Variants in APOB observed in about 807,000 individuals in gnomAD.
APOB encodes apolipoprotein B-100.
In APOB, 153 loss-of-function variants were observed where a neutral mutation model predicts 314.1. The ratio of observed to expected loss-of-function variants is 0.49; its 90% confidence interval spans 0.43 to 0.56. The LOEUF is 0.56. APOB is among the 20% of genes least tolerant of loss of function. The pLI is 0.00. For missense variants in APOB, 5,430 were observed against 5,350.7 expected (o/e 1.01, Z -0.46); for synonymous variants, 2,087 against 2,036.4 (o/e 1.02, Z -0.67).
At chr2:21,024,474 C>T in intron 16 of APOB, 1 of 222,112 alleles carries the variant, frequency 4.5e-6, no homozygotes. Context: ...CACAAATTAG[C>T]CGGGCATGCT....
intron 14 of APOB, among the ~76,000 whole-genome samples, chr2:21,027,271 G>C (rs1298646597): frequency 6.6e-6 from 1 of 151,236 alleles, no homozygotes; most frequent in East Asian, 1.9e-4. Context: ...TGCTTCCTTG[G>C]CTTTGGGACT....
At position 21,003,211 on chromosome 2, in the gene APOB, T is replaced by C. The variant is rs1558559443; in HGVS notation, c.12211A>G (p.Lys4071Glu). Residue 4071 changes from lysine (K) to glutamate (E), a missense_variant, in exon 29 of 29, where the codon AAA (lysine) becomes GAA (glutamate). By Grantham distance (56) the Lys-to-Glu change is moderately conservative (BLOSUM62 1). Around this residue, in one of 3 missense-constraint regions of APOB, gnomAD observed 3,281 missense variants for 3,171.0 expected, o/e 1.03. Transcript: ENST00000233242. ...EAASGLLTSL[K>E]DNVPKATGVL... ...CCTGTGGCCTTGGGCACGTTGTCTT[T>C]CAGAGAGGTTAGCAAGCCAGAAGCT... The C allele has an allele frequency of 1.2e-6, 2 of 1,613,960 alleles. No homozygotes were observed. The highest frequency in any genetic ancestry group is 2.7e-5 in the African/African-American group (2 of 74,914).
chr2:21,010,020 C>T lies in APOB; in HGVS notation c.6848G>A (p.Gly2283Glu). 1 of 1,613,690 alleles carries T rather than the reference C, an allele frequency of 6.2e-7. No individual in the cohort carries two copies. ...AGCCTCAATGTGTTGTTTTAACTTT[C>T]CAGCTAGGTGCTGGATGTCTATATT... The part of the protein sequence containing the change: ...IQNIDIQHLA[G>E]KLKQHIEAID... The change falls in exon 26 of 29, where the codon GGA (glycine) becomes GAA (glutamate). Residue 2283 changes from glycine (G) to glutamate (E), a missense_variant. Physicochemically the swap from Gly to Glu is moderately conservative, Grantham distance 98. Transcript: ENST00000233242.
Position 21,005,310 on chromosome 2 carries a change from G to A in APOB, c.11558C>T (p.Pro3853Leu), listed in dbSNP as rs1663097279. Residue 3853 changes from proline to leucine, a missense_variant, in exon 26 of 29, where the codon CCC becomes CTC. Transcript: ENST00000233242. Reference sequence around the variant, plus strand: ...GGTCTGCTCAGGCACGATGATGGTGGGCAACTCAAAGTCTGCGATCTTGTT... The same window carrying A: ...GGTCTGCTCAGGCACGATGATGGTGAGCAACTCAAAGTCTGCGATCTTGTT... Reference protein sequence around the residue: ...VANKIADFELPTIIVPEQTIE... With the variant: ...VANKIADFELLTIIVPEQTIE... 6.2e-7 allele frequency: 1 copy of A among 1,613,962 alleles called. No individual in the cohort carries two copies. The highest frequency in any genetic ancestry group is 8.5e-7 in the Non-Finnish European group (1 of 1,179,936).
intron 7 of APOB, 94 bp downstream of exon 7, chr2:21,035,490 C>T (rs1298080621): frequency 1.4e-5 from 21 of 1,531,496 alleles, no homozygotes; most frequent in African/African-American, 2.7e-5. Flanking sequence ...TCCTCCCTCC[C>T]AGGCACAGGT....
chr2:21,025,678 A>G (rs1265485570), intron 15 of APOB, among the ~76,000 whole-genome samples: 1 of 152,248 alleles, frequency 6.6e-6, no homozygotes, highest in East Asian at 1.9e-4. Context: ...AGTGGGGGTC[A>G]GGAAATTAGA....
At position 21,007,301 on chromosome 2, in the gene APOB, AG is replaced by A; in HGVS notation, c.9566del (p.Pro3189LeufsTer28). On this transcript the variant is annotated frameshift_variant, in exon 26 of 29. Transcript: ENST00000233242. LOFTEE classifies it high-confidence loss of function. ...KNKHRHSITN[P>X]LAVLCEFISQ... Reference sequence around the variant, plus strand: ...TGATAAACTCACAAAGCACAGCCAAAGGATTTGTGATGGAATGCCTGTGTTT... The same window carrying A: ...TGATAAACTCACAAAGCACAGCCAAAGATTTGTGATGGAATGCCTGTGTTT... 6.2e-7 allele frequency: 1 copy of A among 1,613,898 alleles called. No individual in the cohort carries two copies. The highest frequency in any genetic ancestry group is 8.5e-7 in the Non-Finnish European group (1 of 1,179,900).
intron 8 of APOB, among the ~76,000 whole-genome samples, chr2:21,034,425 G>A (rs1010478629): frequency 6.6e-5 from 10 of 152,196 alleles, no homozygotes; most frequent in African/African-American, 2.4e-4. Context: ...GAGATTGTTA[G>A]AGTTCCTTCT....
rs893830534 is a variant in APOB, at chr2:21,009,110, A to T, written c.7758T>A (p.Thr2586=). Residue 2586 remains threonine (T), a synonymous_variant, in exon 26 of 29, where the codon ACT becomes ACA. Coordinates refer to ENST00000233242, the MANE Select transcript of APOB (RefSeq NM_000384.3). ...RMKALVEQGF[T]VPEIKTILGT... is the part of the protein sequence containing the mutation. ...CAAGGATGGTCTTGATTTCAGGAACAGTGAACCCTTGCTCTACCAATGCTT... is the reference window on the plus strand; with the variant it reads ...CAAGGATGGTCTTGATTTCAGGAACTGTGAACCCTTGCTCTACCAATGCTT... The T allele has an allele frequency of 1.2e-6, 2 of 1,613,976 alleles. No homozygotes were observed. Among genetic ancestry groups the T allele is most frequent in the African/African-American group, 2.7e-5 (2 of 74,920 alleles).
At chr2:21,018,270 C>T (rs1174062657) in intron 20 of APOB, among the ~76,000 whole-genome samples, 2 of 152,144 alleles carry the variant, frequency 1.3e-5, no homozygotes, top group African/African-American at 4.8e-5. Flanking sequence ...GTTTCTCTGC[C>T]CTTGTCTGCC....
intron 20 of APOB, among the ~76,000 whole-genome samples, chr2:21,017,014 T>TAAAC (rs1307564067): frequency 7.5e-4 from 99 of 132,866 alleles, no homozygotes; most frequent in South Asian, 1.6e-3. Flanking sequence ...AATAAATAAA[T>TAAAC]AAACAAACAA....
chr2:21,007,784 C>A lies in APOB; in HGVS notation c.9084G>T (p.Lys3028Asn), dbSNP rs745419215. The A allele has an allele frequency of 6.2e-7, 1 of 1,614,038 alleles. No homozygotes were observed. Residue 3028 changes from lysine (K) to asparagine (N), a missense_variant, in exon 26 of 29, where the codon AAG becomes AAT. Around this residue, in one of 3 missense-constraint regions of APOB, gnomAD observed 3,281 missense variants for 3,171.0 expected, o/e 1.03. Coordinates refer to ENST00000233242, the MANE Select transcript of APOB (RefSeq NM_000384.3). ...TGRHDAHLNG[K>N]VIGTLKNSLF... ...GAGAATTTTTCAAAGTTCCAATAAC[C>A]TTTCCATTTAAATGAGCATCATGCC...
chr2:21,025,611 GGAAAAAAAAAATGT>G (rs1663709582), intron 15 of APOB, among the ~76,000 whole-genome samples: 1 of 151,886 alleles, frequency 6.6e-6, no homozygotes, highest in South Asian at 2.1e-4. Flanking sequence ...CCAGGCATTG[GGAAAAAAAAAATGT>G]GAAACTGACA....
rs746602151 is a variant in APOB, at chr2:21,005,742, A to T, written c.11126T>A (p.Val3709Glu). 1 of 1,613,994 alleles carries T rather than the reference A, an allele frequency of 6.2e-7. No homozygotes were observed. The highest frequency in any genetic ancestry group is 2.2e-5 in the East Asian group (1 of 44,876). The change falls in exon 26 of 29, where the codon GTG becomes GAG. Residue 3709 changes from valine to glutamate, a missense_variant. Coordinates refer to ENST00000233242, the MANE Select transcript of APOB (RefSeq NM_000384.3). ...ATAGCCATTGGGGTTTTTGGTGTACACAAAGGCAGTTGAAACACGAAGATG... is the reference window on the plus strand; with the variant it reads ...ATAGCCATTGGGGTTTTTGGTGTACTCAAAGGCAGTTGAAACACGAAGATG... ...RQHLRVSTAF[V>E]YTKNPNGYSF...
At chr2:21,018,862 A>G in intron 20 of APOB, 130 bp downstream of exon 20, 1 of 1,362,150 alleles carries the variant, frequency 7.3e-7, no homozygotes, top group Non-Finnish European at 1.0e-6. Context: ...AGGTCTTAGA[A>G]TAGGCCTGCC....
chr2:21,026,638 A>G, intron 15 of APOB, 150 bp downstream of exon 15: 1 of 700,698 alleles, frequency 1.4e-6, no homozygotes, highest in South Asian at 1.7e-5. Context: ...TGCAGAGGAT[A>G]CTGGCCCTTA....
At chr2:21,042,324 G>T in intron 3 of APOB, 37 bp downstream of exon 3, 1 of 1,534,922 alleles carries the variant, frequency 6.5e-7, no homozygotes, top group Non-Finnish European at 9.0e-7. Flanking sequence ...GGGGAAAGCT[G>T]TGGGCTCTAG....
chr2:21,015,239 T>C lies in APOB; in HGVS notation c.3530A>G (p.Glu1177Gly). The C allele has an allele frequency of 2.5e-6, 4 of 1,614,220 alleles. No individual in the cohort carries two copies. Among genetic ancestry groups the C allele is most frequent in the Non-Finnish European group, 3.4e-6 (4 of 1,180,034 alleles). Reference protein sequence around the residue: ...WHYDEEKIEFEWNTGTNVDTK... With the variant: ...WHYDEEKIEFGWNTGTNVDTK... The stretch of plus-strand genomic sequence containing the variant: ...ATCTACATTGGTGCCTGTGTTCCAT[T>C]CAAATTCAATCTTCTCTTCATCTGA... Residue 1177 changes from glutamate (E) to glycine (G), a missense_variant, in exon 23 of 29, where the codon GAA (glutamate) becomes GGA (glycine). Glu to Gly is a moderately conservative substitution (Grantham distance 98, BLOSUM62 -2). Transcript: ENST00000233242.
intron 12 of APOB, among the ~76,000 whole-genome samples, chr2:21,029,400 C>T (rs1222349668): frequency 2.0e-5 from 3 of 151,768 alleles, no homozygotes; most frequent in Admixed American, 6.6e-5. Flanking sequence ...TGCAGTGAGC[C>T]GAGATCATGC....
Sources: gnomAD v4.1 joint callset for allele counts (sites outside exome capture counted in the v4.1 genomes callset) on GRCh38, gnomAD v4.1.1 for gene constraint, gnomAD v4.1.1 regional missense constraint, MANE v1.5 for transcripts, NCBI Gene and HGNC (gene_info 2026-07-23, HGNC 2026-07-21) for gene names.